Variants in NCSTN observed in about 807,000 individuals in gnomAD.
The protein encoded by NCSTN is nicastrin.
NCSTN carries 22 observed loss-of-function variants against 87.0 expected under a neutral mutation model. The ratio of observed to expected loss-of-function variants is 0.25; its 90% CI spans 0.18 to 0.36. The LOEUF (loss-of-function observed/expected upper bound fraction) is 0.36, where lower values mean the gene tolerates loss of function less well. Among genes scored for constraint, NCSTN ranks in the 10% least tolerant of loss-of-function variants. The pLI, the probability that NCSTN is intolerant of heterozygous loss-of-function variation, is 1.00. For synonymous variants in NCSTN, 306 were observed against 327.1 expected (o/e 0.94, Z 0.69); for missense variants, 693 against 883.3 (o/e 0.78, Z 2.73).
intron 1 of NCSTN, 147 bp downstream of exon 1, chr1:160,343,628 G>T: frequency 2.4e-6 from 2 of 837,940 alleles, no homozygotes; most frequent in African/African-American, 3.4e-5. Context: ...TCCCACGACA[G>T]AAGTTCCCCC....
At chr1:160,347,332 A>T (rs1648554020) in intron 2 of NCSTN, among the ~76,000 whole-genome samples, 1 of 152,324 alleles carries the variant, frequency 6.6e-6, no homozygotes, top group South Asian at 2.1e-4. Flanking sequence ...TTGATTTCTG[A>T]TTATAATACT....
chr1:160,351,916 G>A lies in NCSTN; in HGVS notation c.843+111G>A, dbSNP rs1648870286. The A allele has an allele frequency of 3.4e-5, 49 of 1,460,190 alleles. No individual in the cohort carries two copies. In the South Asian group the frequency reaches 3.5e-4, roughly 11 times the overall value. 90.5% of individuals were successfully genotyped at this position (1,460,190 alleles called of 1,614,324 possible). ...TGCTAAATTGGGAAGCCTCAAATGG[G>A]GAGGAATCTGGGCTGTGGGACTCCT... On this transcript the variant is annotated intron_variant, in intron 7 of 16. Transcript: ENST00000294785.
chr1:160,344,898 G>A, intron 2 of NCSTN, 72 bp downstream of exon 2: 1 of 1,281,742 alleles, frequency 7.8e-7, no homozygotes, highest in Admixed American at 1.8e-5. Context: ...TAACATCCAT[G>A]TCCTGCTTAG....
chr1:160,345,953 A>AG (rs1184032675), intron 2 of NCSTN, among the ~76,000 whole-genome samples: 1 of 151,532 alleles, frequency 6.6e-6, no homozygotes, highest in Non-Finnish European at 1.5e-5. Context: ...AAAAAAAAAA[A>AG]AAAAAAAAGA....
intron 10 of NCSTN, chr1:160,353,547 T>G: frequency 3.1e-6 from 4 of 1,273,714 alleles, no homozygotes; most frequent in Admixed American, 6.7e-5. Flanking sequence ...ATGGATCCAA[T>G]TGTCAAGGCT....
In NCSTN at chr1:160,351,747, C is replaced by T; in HGVS notation, c.785C>T (p.Pro262Leu). The T allele has an allele frequency of 6.2e-7, 1 of 1,613,618 alleles. No homozygotes were observed. Among genetic ancestry groups the T allele is most frequent in the Non-Finnish European group, 8.5e-7 (1 of 1,179,516 alleles). Residue 262 changes from proline to leucine, a missense_variant, in exon 7 of 17, where the codon CCT becomes CTT. By Grantham distance (98) the Pro-to-Leu change is moderately conservative. This residue lies in a region of NCSTN where 134 missense variants were observed against 226.0 expected (regional missense o/e 0.59). Transcript: ENST00000294785. The part of the protein sequence containing the change: ...SDYNVWSMLK[P>L]INTTGTLKPD... ...TACAATGTGTGGAGCATGCTAAAGC[C>T]TATAAATACAACTGGGACATTAAAG...
rs151131279 is a variant in NCSTN at position 160,353,229 on chromosome 1, C to G, written c.1171C>G (p.Arg391Gly). Reference protein sequence around the residue: ...DPVSQKNESVRNQVEDLLATL... With the variant: ...DPVSQKNESVGNQVEDLLATL... ...TGTTTCTCAGAAAAATGAGTCTGTA[C>G]GGAACCAGGTAACCTGAGCATCTCC... Residue 391 changes from arginine to glycine, a missense_variant, in exon 10 of 17, where the codon CGG becomes GGG. Coordinates refer to ENST00000294785, the MANE Select transcript of NCSTN (RefSeq NM_015331.3). 2.5e-6 allele frequency: 4 copies of G among 1,614,094 alleles called. No homozygotes were observed. The South Asian group carries it at 4.4e-5, about 18-fold the overall frequency.
Position 160,353,184 on chromosome 1 carries a change from C to G in NCSTN, c.1126C>G (p.Leu376Val), listed in dbSNP as rs1379907754. 6.8e-6 allele frequency: 11 copies of G among 1,614,138 alleles called. No homozygotes were observed. The highest frequency in any genetic ancestry group is 1.1e-5 in the South Asian group (1 of 91,082). ...GGTGGCCTTAAGAACTTCATTAGAG[C>G]TTTGGATGCACACAGATCCTGTTTC... ...GQVALRTSLE[L>V]WMHTDPVSQK... is the part of the protein sequence containing the mutation. The change falls in exon 10 of 17, where the codon CTT (leucine) becomes GTT (valine). Residue 376 changes from leucine to valine, a missense_variant. By Grantham distance (32) the Leu-to-Val change is conservative. Coordinates refer to ENST00000294785, the MANE Select transcript of NCSTN (RefSeq NM_015331.3).
chr1:160,345,838 C>T (rs916498328), intron 2 of NCSTN, among the ~76,000 whole-genome samples: 12 of 142,188 alleles, frequency 8.4e-5, no homozygotes, highest in South Asian at 2.4e-4. Flanking sequence ...TCTCGGGAGG[C>T]GGAAGCAGAA....
intron 1 of NCSTN, 90 bp from the exon 2 acceptor site, chr1:160,344,632 T>A (rs1353688541): frequency 6.4e-7 from 1 of 1,573,620 alleles, no homozygotes; most frequent in African/African-American, 1.3e-5. Context: ...ATTAAATGAT[T>A]TACCCAAGCC....
chr1:160,356,204 T>C, intron 13 of NCSTN, 56 bp from the exon 14 acceptor site: 1 of 1,446,868 alleles, frequency 6.9e-7, no homozygotes, highest in South Asian at 1.1e-5. Context: ...TGATAATTCT[T>C]TCCCTGGGCT....
At chr1:160,352,831 G>C in intron 8 of NCSTN, 56 bp from the exon 9 acceptor site, 1 of 1,404,618 alleles carries the variant, frequency 7.1e-7, no homozygotes, top group Non-Finnish European at 1.0e-6. Context: ...CGCCTTCGAG[G>C]CTCTCCTAAC....
At chr1:160,347,792 T>G (rs1376348868) in intron 2 of NCSTN, among the ~76,000 whole-genome samples, 1 of 152,218 alleles carries the variant, frequency 6.6e-6, no homozygotes. Context: ...GTATTTTTAG[T>G]AGAGATGGGG....
intron 5 of NCSTN, 140 bp from the exon 6 acceptor site, chr1:160,351,082 A>C: frequency 1.2e-6 from 1 of 869,482 alleles, no homozygotes; most frequent in Admixed American, 2.0e-5. Context: ...GTTCTAGGAT[A>C]ACTATAGCTC....
chr1:160,343,978 A>G (rs77944463), intron 1 of NCSTN: 1 of 204,810 alleles, frequency 4.9e-6, no homozygotes, highest in Non-Finnish European at 8.5e-6. Context: ...TTTTTTTTTA[A>G]TCAGTAAAGC....
chr1:160,355,600 A>G (rs1225547543), intron 11 of NCSTN, 55 bp from the exon 12 acceptor site: 5 of 1,325,926 alleles, frequency 3.8e-6, no homozygotes, highest in Non-Finnish European at 5.4e-6. Flanking sequence ...TGAGGGAGGA[A>G]AGGGGCAGAG....
intron 2 of NCSTN, chr1:160,345,141 A>T: frequency 2.3e-6 from 1 of 429,284 alleles, no homozygotes; most frequent in Non-Finnish European, 4.3e-6. Context: ...TCCCAAGATC[A>T]TACTGGTAAT....
Position 160,355,856 on chromosome 1 carries a change from A to T in NCSTN, c.1456-7A>T. 6.2e-7 allele frequency: 1 copy of T among 1,613,774 alleles called. No individual in the cohort carries two copies. The highest frequency in any genetic ancestry group is 8.5e-7 in the Non-Finnish European group (1 of 1,179,692). ...GGGCCATTCAGCCCCCTCCTCACCTACCACAGGCCCTGGCAGATGTGGCCA... is the reference window on the plus strand; with the variant it reads ...GGGCCATTCAGCCCCCTCCTCACCTTCCACAGGCCCTGGCAGATGTGGCCA... On this transcript the variant is annotated splice_polypyrimidine_tract_variant and splice_region_variant and intron_variant, in intron 12 of 16. Transcript: ENST00000294785.
In NCSTN at chr1:160,343,410, G is replaced by T. The variant is rs528352370; in HGVS notation, c.14G>T (p.Gly5Val). MATA[G>V]GGSGADPGSR... ...CAGAGAGGCAAGATGGCTACGGCAG[G>T]GGGTGGCTCTGGGGCTGACCCGGGA... Residue 5 changes from glycine (G) to valine (V), a missense_variant, in exon 1 of 17, where the codon GGG becomes GTG. Transcript: ENST00000294785. 1.5e-5 allele frequency: 24 copies of T among 1,612,916 alleles called. No homozygotes were observed. The highest frequency in any genetic ancestry group is 1.6e-4 in the Middle Eastern group (1 of 6,068).
Sources: gnomAD v4.1 joint callset for allele counts (sites outside exome capture counted in the v4.1 genomes callset) on GRCh38, gnomAD v4.1.1 for gene constraint, gnomAD v4.1.1 regional missense constraint, MANE v1.5 for transcripts, NCBI Gene and HGNC (gene_info 2026-07-23, HGNC 2026-07-21) for gene names.